MGLL: variants seen among roughly 807,000 people sequenced by gnomAD.
MGLL encodes the protein lysophospholipase homolog.
In MGLL, 7 loss-of-function variants were observed where a neutral mutation model predicts 29.1. The observed-to-expected ratio is 0.24, with a 90% CI of 0.14 to 0.45. The LOEUF is 0.45. Among genes scored for constraint, MGLL ranks in the 20% least tolerant of loss-of-function variants. The pLI, the probability that MGLL is intolerant of heterozygous loss-of-function variation, is 0.99. For synonymous variants in MGLL, 148 were observed against 168.3 expected (o/e 0.88, Z 0.93); for missense variants, 356 against 413.6 (o/e 0.86, Z 1.21).
intron 3 of MGLL, among the ~76,000 whole-genome samples, chr3:127,771,957 C>A (rs1318715798): frequency 6.6e-6 from 1 of 152,166 alleles, no homozygotes; most frequent in East Asian, 1.9e-4. Context: ...TTCTGTTTCT[C>A]AACACAACAG....
chr3:127,745,968 A>G (rs979156578), intron 3 of MGLL, among the ~76,000 whole-genome samples: 1 of 152,226 alleles, frequency 6.6e-6, no homozygotes, highest in African/African-American at 2.4e-5. Context: ...CATGTTAACA[A>G]AAGTTATTTT....
rs1233219948 is a variant in MGLL at position 127,691,279 on chromosome 3, C to A, written c.*919G>T. On this transcript the variant is annotated 3_prime_UTR_variant, in exon 8 of 8. Transcript: ENST00000265052. ...GCCCTCTGGCCCCACCACTGCCGGCCCAACCTGTCCAGTTCTGTACAGTAG... is the reference window on the plus strand; with the variant it reads ...GCCCTCTGGCCCCACCACTGCCGGCACAACCTGTCCAGTTCTGTACAGTAG... 6.6e-6 allele frequency: 1 copy of A among 152,542 alleles called. No homozygotes were observed. The highest frequency in any genetic ancestry group is 2.4e-5 in the African/African-American group (1 of 41,458). The allele number at this position is 152,542 out of a possible 1,614,324, so 9.4% of individuals were successfully genotyped here. A position where few individuals can be genotyped will look rare whatever the true frequency, so the allele number is the denominator to read the frequency against.
chr3:127,804,984 AG>A (rs1450859921), intron 2 of MGLL, among the ~76,000 whole-genome samples: 1 of 152,250 alleles, frequency 6.6e-6, no homozygotes, highest in African/African-American at 2.4e-5. Context: ...ATGGGAACAC[AG>A]GGACAGTATG....
At chr3:127,799,173 G>A (rs1339899813) in intron 2 of MGLL, among the ~76,000 whole-genome samples, 2 of 152,222 alleles carry the variant, frequency 1.3e-5, no homozygotes, top group Non-Finnish European at 2.9e-5. Context: ...ACTCACGGCT[G>A]TGGAGCATCT....
chr3:127,757,063 T>G (rs189667983), intron 3 of MGLL, among the ~76,000 whole-genome samples: 5 of 152,242 alleles, frequency 3.3e-5, no homozygotes, highest in Non-Finnish European at 7.4e-5. Context: ...GTGGACAGAG[T>G]GATGGTAAGA....
intron 2 of MGLL, among the ~76,000 whole-genome samples, chr3:127,811,055 G>A (rs1295722819): frequency 6.7e-6 from 1 of 149,158 alleles, no homozygotes; most frequent in Non-Finnish European, 1.5e-5. Context: ...AACTCCTTCG[G>A]TGATACTTCT....
At chr3:127,704,655 G>A (rs527652358) in intron 6 of MGLL, among the ~76,000 whole-genome samples, 1 of 152,228 alleles carries the variant, frequency 6.6e-6, no homozygotes, top group Non-Finnish European at 1.5e-5. Flanking sequence ...CAACATCACC[G>A]ATCATCAGAG....
At chr3:127,789,960 T>C (rs2077273103) in intron 2 of MGLL, among the ~76,000 whole-genome samples, 1 of 152,224 alleles carries the variant, frequency 6.6e-6, no homozygotes, top group Non-Finnish European at 1.5e-5. Flanking sequence ...AGCTATGTAT[T>C]TTTTTATTAT....
rs79371895 is a variant in MGLL, at chr3:127,738,402, G to A, written c.263-15836C>T. On this transcript the variant is annotated intron_variant, in intron 3 of 7. Coordinates refer to ENST00000265052, the MANE Select transcript of MGLL (RefSeq NM_007283.7). ...TCCAGCAAACACAGGAGCAAGCCAC[G>A]CCTTGGGAGGCCTTGTTTCTGGAAT... 6.3e-3 allele frequency among the ~76,000 whole-genome samples: 960 copies of A among 152,174 alleles called. 17 individuals are homozygous for A. The highest frequency in any genetic ancestry group is 0.022 in the African/African-American group (920 of 41,504).
intron 3 of MGLL, among the ~76,000 whole-genome samples, chr3:127,727,427 T>C (rs2076066330): frequency 6.6e-6 from 1 of 152,116 alleles, no homozygotes; most frequent in South Asian, 2.1e-4. Context: ...AAATCAATGT[T>C]CTGGCTAGGC....
chr3:127,766,341 G>C (rs754566477), intron 3 of MGLL, among the ~76,000 whole-genome samples: 13 of 152,162 alleles, frequency 8.5e-5, no homozygotes, highest in Non-Finnish European at 1.9e-4. Flanking sequence ...TATAATAGCT[G>C]TTGAATCTGT....
At chr3:127,769,482 T>C (rs530520228) in intron 3 of MGLL, among the ~76,000 whole-genome samples, 11 of 152,330 alleles carry the variant, frequency 7.2e-5, no homozygotes, top group Admixed American at 4.6e-4. Flanking sequence ...CTTAGTGCCA[T>C]AGTCCACACT....
intron 2 of MGLL, among the ~76,000 whole-genome samples, chr3:127,806,268 G>A (rs1357640358): frequency 6.6e-6 from 1 of 152,264 alleles, no homozygotes; most frequent in Non-Finnish European, 1.5e-5. Flanking sequence ...GCCCTTGGAA[G>A]GCAGGGACCA....
chr3:127,784,744 A>G (rs2077184922), intron 2 of MGLL, among the ~76,000 whole-genome samples: 1 of 152,064 alleles, frequency 6.6e-6, no homozygotes. Flanking sequence ...TAGTGTCTGG[A>G]TTCAGATCCT....
intron 3 of MGLL, among the ~76,000 whole-genome samples, chr3:127,755,973 A>G (rs1046354130): frequency 2.0e-5 from 3 of 152,190 alleles, no homozygotes; most frequent in East Asian, 1.9e-4. Context: ...CTCCCTAGCA[A>G]TCAGTGTGGC....
chr3:127,818,037 T>C (rs1013486520), intron 2 of MGLL, among the ~76,000 whole-genome samples: 1 of 152,248 alleles, frequency 6.6e-6, no homozygotes, highest in Non-Finnish European at 1.5e-5. Flanking sequence ...CTCCGCTCAC[T>C]GCAACCTCTG....
intron 3 of MGLL, among the ~76,000 whole-genome samples, chr3:127,755,058 C>T (rs1008246198): frequency 6.6e-5 from 10 of 152,076 alleles, no homozygotes; most frequent in Non-Finnish European, 7.3e-5. Flanking sequence ...CAGTCACGAG[C>T]TGTGGCATCC....
At chr3:127,785,155 C>G (rs1049604576) in intron 2 of MGLL, among the ~76,000 whole-genome samples, 1 of 152,172 alleles carries the variant, frequency 6.6e-6, no homozygotes, top group South Asian at 2.1e-4. Flanking sequence ...TCACCTCACC[C>G]CCTGTGAGCA....
Position 127,774,366 on chromosome 3 carries a change from C to T in MGLL, c.262+7423G>A, listed in dbSNP as rs57287091. ...TCCCTGGCAGCCTCCTGCCTCTTGCCTCCCCTGCACTTGGCAGGACATAAC... is the reference window on the plus strand; with the variant it reads ...TCCCTGGCAGCCTCCTGCCTCTTGCTTCCCCTGCACTTGGCAGGACATAAC... On this transcript the variant is annotated intron_variant, in intron 3 of 7. Transcript: ENST00000265052. 4.5e-3 allele frequency among the ~76,000 whole-genome samples: 688 copies of T among 152,360 alleles called. 2 individuals carry two copies. Among genetic ancestry groups the T allele is most frequent in the African/African-American group, 0.015 (644 of 41,582 alleles).
Sources: gnomAD v4.1 joint callset for allele counts (sites outside exome capture counted in the v4.1 genomes callset) on GRCh38, gnomAD v4.1.1 for gene constraint, MANE v1.5 for transcripts, NCBI Gene and HGNC (gene_info 2026-07-23, HGNC 2026-07-21) for gene names.